Variants in SCN3A observed in about 807,000 individuals in gnomAD.
The protein encoded by SCN3A is sodium voltage-gated channel alpha subunit 3.
Under a neutral mutation model 187.6 loss-of-function variants are expected in SCN3A, and 60 were observed. The ratio of observed to expected loss-of-function variants is 0.32; its 90% confidence interval spans 0.26 to 0.40. The LOEUF is 0.40. SCN3A is among the 10% of genes least tolerant of loss of function. The pLI, the probability that SCN3A is intolerant of heterozygous loss-of-function variation, is 1.00. For missense variants in SCN3A, 1,601 were observed against 2,428.2 expected (o/e 0.66, Z 7.16); for synonymous variants, 788 against 829.2 (o/e 0.95, Z 0.85).
intron 1 of SCN3A, among the ~76,000 whole-genome samples, chr2:165,191,293 C>T (rs1323538665): frequency 6.6e-6 from 1 of 151,982 alleles, no homozygotes; most frequent in Non-Finnish European, 1.5e-5. Context: ...TCCCATATAG[C>T]CTGTTTTTAC....
rs868421885 is a variant in SCN3A at position 165,176,313 on chromosome 2, G to A, written c.82C>T (p.Arg28Cys). The A allele has an allele frequency of 7.4e-6, 12 of 1,613,980 alleles. No homozygotes were observed. The highest frequency in any genetic ancestry group is 1.6e-4 in the Middle Eastern group (1 of 6,062). ...TRESLAAIEK[R>C]AAEEKAKKPK... ...TTCTTGGCTTTCTCTTCTGCAGCAC[G>A]TTTTTCGATAGCAGCAAGAGATTCT... Residue 28 changes from arginine (R) to cysteine (C), a missense_variant, in exon 3 of 28, where the codon CGT becomes TGT. This residue lies in a region of SCN3A where 74 missense variants were observed against 77.7 expected (regional missense o/e 0.95). Transcript: ENST00000283254.
rs544483249 is a variant in SCN3A, at chr2:165,117,687, A to C, written c.3394-2112T>G. On this transcript the variant is annotated intron_variant, in intron 18 of 27. Transcript: ENST00000283254. The stretch of plus-strand genomic sequence containing the variant: ...AGTCTTTAGATAATTCTATCTCTCC[A>C]TTTTGATATATAAGTCAAGTCTGGT... Among the ~76,000 whole-genome samples the C allele has an allele frequency of 3.9e-5, 6 of 152,228 alleles. No individual in the cohort carries two copies. In the East Asian group the frequency reaches 1.2e-3, roughly 29 times the overall value.
At position 165,112,973 on chromosome 2, in the gene SCN3A, A is replaced by T; in HGVS notation, c.3755T>A (p.Ile1252Asn). Residue 1252 changes from isoleucine to asparagine, a missense_variant, in exon 21 of 28, where the codon ATT (isoleucine) becomes AAT (asparagine). This residue lies in a region of SCN3A where 267 missense variants were observed against 313.2 expected (regional missense o/e 0.85). Coordinates refer to ENST00000283254, the MANE Select transcript of SCN3A (RefSeq NM_006922.4). ...YADKVFTYIF[I>N]LEMLLKWVAY... The stretch of plus-strand genomic sequence containing the variant: ...AACCCATTTGAGAAGCATTTCCAGA[A>T]TGAATATATAGGTAAAGACTTTGTC... 6.2e-7 allele frequency: 1 copy of T among 1,613,312 alleles called. No homozygotes were observed. The highest frequency in any genetic ancestry group is 8.5e-7 in the Non-Finnish European group (1 of 1,179,526).
At chr2:165,154,428 A>T in intron 11 of SCN3A, 24 bp downstream of exon 11, 3 of 1,609,534 alleles carry the variant, frequency 1.9e-6, no homozygotes, top group Non-Finnish European at 2.6e-6. Context: ...ATAATGATAA[A>T]TCTTTGCTTT....
Position 165,163,685 on chromosome 2 carries a change from C to T in SCN3A, c.627G>A (p.Leu209=). The T allele has an allele frequency of 6.2e-7, 1 of 1,614,032 alleles. No individual in the cohort carries two copies. Among genetic ancestry groups the T allele is most frequent in the Non-Finnish European group, 8.5e-7 (1 of 1,179,986 alleles). The stretch of plus-strand genomic sequence containing the variant: ...ATGTTCTCAACGCTGAGACATTGCC[C>T]AGGTCCACAAACTCTGTCACATATC... The part of the protein sequence containing the change: ...VMAYVTEFVD[L]GNVSALRTFR... Residue 209 remains leucine, a synonymous_variant, in exon 7 of 28, where the codon CTG becomes CTA. Coordinates refer to ENST00000283254, the MANE Select transcript of SCN3A (RefSeq NM_006922.4).
intron 24 of SCN3A, 150 bp downstream of exon 24, chr2:165,096,317 G>A (rs1685362219): frequency 4.7e-6 from 3 of 635,662 alleles, no homozygotes; most frequent in Admixed American, 2.6e-5. Context: ...CATTAATCAA[G>A]CATCATCTAT....
At chr2:165,168,505 A>G (rs4667794) in intron 5 of SCN3A, among the ~76,000 whole-genome samples, 34,346 of 151,930 alleles carry the variant, frequency 0.23, 5,086 homozygotes, top group East Asian at 0.52. Context: ...ACCAGAAAGC[A>G]TATACTAATT....
At chr2:165,100,622 G>GAATACTTGCCCATATTTATC (rs1685561781) in intron 21 of SCN3A, among the ~76,000 whole-genome samples, 198 bp from the exon 22 acceptor site, 1 of 151,952 alleles carries the variant, frequency 6.6e-6, no homozygotes, top group Non-Finnish European at 1.5e-5. Flanking sequence ...AATGAAACCA[G>GAATACTTGCCCATATTTATC]AATACTTGCC....
intron 1 of SCN3A, among the ~76,000 whole-genome samples, chr2:165,192,349 T>A (rs1021410936): frequency 6.6e-6 from 1 of 152,156 alleles, no homozygotes; most frequent in East Asian, 1.9e-4. Flanking sequence ...GTAAGAATGA[T>A]AATAGAGAAC....
chr2:165,196,565 C>A (rs1280738858), intron 1 of SCN3A, among the ~76,000 whole-genome samples: 2 of 152,036 alleles, frequency 1.3e-5, no homozygotes, highest in Non-Finnish European at 2.9e-5. Flanking sequence ...TGTGGGAAAC[C>A]AATCCGGAAC....
At chr2:165,174,550 C>G (rs1042166536) in intron 3 of SCN3A, among the ~76,000 whole-genome samples, 1 of 152,140 alleles carries the variant, frequency 6.6e-6, no homozygotes, top group Non-Finnish European at 1.5e-5. Context: ...TTAATCTTAC[C>G]AGCCTGATTG....
chr2:165,186,289 CAAA>C (rs1553541623), intron 2 of SCN3A, among the ~76,000 whole-genome samples: 3 of 151,008 alleles, frequency 2.0e-5, no homozygotes, highest in Non-Finnish European at 4.4e-5. Context: ...ACAACAACAA[CAAA>C]AAAACAAAAA....
At chr2:165,152,112 A>T (rs1053483800) in intron 11 of SCN3A, among the ~76,000 whole-genome samples, 1 of 152,188 alleles carries the variant, frequency 6.6e-6, no homozygotes, top group African/African-American at 2.4e-5. Context: ...TCCAGCACTT[A>T]AAAAAAGTAA....
intron 11 of SCN3A, among the ~76,000 whole-genome samples, 179 bp from the exon 12 acceptor site, chr2:165,147,208 A>G (rs1051572893): frequency 6.6e-6 from 1 of 151,442 alleles, no homozygotes; most frequent in Non-Finnish European, 1.5e-5. Flanking sequence ...TTTAAATCAT[A>G]TAAAGCAATA....
chr2:165,110,104 G>A (rs1285242652), intron 21 of SCN3A, among the ~76,000 whole-genome samples: 1 of 152,068 alleles, frequency 6.6e-6, no homozygotes, highest in Non-Finnish European at 1.5e-5. Context: ...CAAACACGCA[G>A]TAATTTACCA....
intron 12 of SCN3A, among the ~76,000 whole-genome samples, chr2:165,141,514 A>G (rs919117453): frequency 6.6e-6 from 1 of 152,196 alleles, no homozygotes; most frequent in Admixed American, 6.5e-5. Flanking sequence ...TTTTTAAAAA[A>G]CTACTATTTT....
chr2:165,202,090 C>T (rs1462116646), intron 1 of SCN3A, among the ~76,000 whole-genome samples: 3 of 151,994 alleles, frequency 2.0e-5, no homozygotes, highest in Admixed American at 6.6e-5. Flanking sequence ...TTTTTCTCAA[C>T]TTTACAAATG....
Position 165,168,802 on chromosome 2 carries a change from C to A in SCN3A, c.407G>T (p.Cys136Phe). 3.1e-6 allele frequency: 5 copies of A among 1,611,700 alleles called. No individual in the cohort carries two copies. The highest frequency in any genetic ancestry group is 4.2e-6 in the Non-Finnish European group (5 of 1,178,212). Residue 136 changes from cysteine to phenylalanine, a missense_variant, in exon 5 of 28, where the codon TGC becomes TTC. By Grantham distance (205) the Cys-to-Phe change is radical. Coordinates refer to ENST00000283254, the MANE Select transcript of SCN3A (RefSeq NM_006922.4). ...VHSLFSMLIM[C>F]TILTNCVFMT... ...AAATACACAGTTGGTCAAAATAGTGCACATGATAAGCATGCTGAATAAAGT... is the reference window on the plus strand; with the variant it reads ...AAATACACAGTTGGTCAAAATAGTGAACATGATAAGCATGCTGAATAAAGT...
chr2:165,180,348 A>T (rs560523820), intron 2 of SCN3A, among the ~76,000 whole-genome samples: 1 of 152,342 alleles, frequency 6.6e-6, no homozygotes, highest in Non-Finnish European at 1.5e-5. Context: ...TATACAGATA[A>T]TTATAACACA....
Sources: allele counts gnomAD v4.1 joint callset (sites outside exome capture counted in the v4.1 genomes callset), GRCh38; gene constraint gnomAD v4.1.1; regional missense constraint gnomAD v4.1.1; transcripts MANE v1.5; gene names NCBI Gene and HGNC (gene_info 2026-07-23, HGNC 2026-07-21).